PKHD1: variants seen among roughly 807,000 people sequenced by gnomAD.
PKHD1 encodes PKHD1 ciliary IPT domain containing fibrocystin/polyductin.
A neutral mutation model predicts 412.0 loss-of-function variants in PKHD1; 291 were observed. The ratio of observed to expected loss-of-function variants is 0.71; its 90% CI spans 0.64 to 0.78. The LOEUF is 0.78. Among genes scored for constraint, PKHD1 ranks in the 30% least tolerant of loss-of-function variants. The pLI, the probability that PKHD1 is intolerant of heterozygous loss-of-function variation, is 0.00. For missense variants in PKHD1, 4,825 were observed against 4,950.7 expected, an observed-to-expected ratio of 0.97 and a Z score of 0.76; for synonymous variants, 1,777 against 1,821.5, an observed-to-expected ratio of 0.98 and a Z score of 0.62.
chr6:51,967,712 T>TAC (rs144450396), intron 35 of PKHD1, among the ~76,000 whole-genome samples: 4,022 of 149,954 alleles, frequency 0.027, 143 homozygotes, highest in African/African-American at 0.083. Flanking sequence ...TGCACATGAA[T>TAC]ACACACACAC....
chr6:51,939,219 AC>A (rs941458218), intron 36 of PKHD1, among the ~76,000 whole-genome samples: 2 of 147,866 alleles, frequency 1.4e-5, no homozygotes, highest in African/African-American at 2.5e-5. Context: ...GGGGGCAAGA[AC>A]CCCCCCAACC....
At chr6:51,910,441 G>A (rs1174038907) in intron 39 of PKHD1, among the ~76,000 whole-genome samples, 1 of 152,088 alleles carries the variant, frequency 6.6e-6, no homozygotes, top group African/African-American at 2.4e-5. Flanking sequence ...GATTATTTGT[G>A]CCACTGATCC....
chr6:51,899,243 T>G (rs1236698967), intron 43 of PKHD1, among the ~76,000 whole-genome samples: 1 of 152,032 alleles, frequency 6.6e-6, no homozygotes, highest in Admixed American at 6.6e-5. Context: ...ATATCCTTGA[T>G]GAACATTGAT....
chr6:51,823,739 T>C (rs1766852037), intron 52 of PKHD1, among the ~76,000 whole-genome samples: 2 of 152,208 alleles, frequency 1.3e-5, no homozygotes, highest in Admixed American at 1.3e-4. Context: ...GAAAAGCATA[T>C]ATAGTTGAGG....
At chr6:51,754,631 T>C (rs1293796945) in intron 56 of PKHD1, among the ~76,000 whole-genome samples, 153 bp downstream of exon 56, 2 of 150,720 alleles carry the variant, frequency 1.3e-5, no homozygotes, top group African/African-American at 4.9e-5. Flanking sequence ...AATGAGGGAA[T>C]AGAGATAAGG....
intron 60 of PKHD1, among the ~76,000 whole-genome samples, chr6:51,733,794 C>T (rs978882678): frequency 3.3e-5 from 5 of 152,026 alleles, no homozygotes; most frequent in African/African-American, 1.2e-4. Flanking sequence ...CTCTGTCATG[C>T]CAAAAGGCAA....
intron 46 of PKHD1, among the ~76,000 whole-genome samples, chr6:51,881,711 C>T (rs562833929): frequency 6.6e-6 from 1 of 152,192 alleles, no homozygotes; most frequent in South Asian, 2.1e-4. Flanking sequence ...ATTCAAGTTT[C>T]CAAGCCTCCA....
At position 52,028,306 on chromosome 6, in the gene PKHD1, G is replaced by C. The variant is rs753409918; in HGVS notation, c.3410C>G (p.Thr1137Arg). 1 of 1,614,036 alleles carries C rather than the reference G, an allele frequency of 6.2e-7. No homozygotes were observed. The highest frequency in any genetic ancestry group is 1.7e-5 in the Admixed American group (1 of 60,024). Residue 1137 changes from threonine to arginine, a missense_variant, in exon 30 of 67, where the codon ACG (threonine) becomes AGG (arginine). Physicochemically the swap from Thr to Arg is moderately conservative, Grantham distance 71 (BLOSUM62 -1). Coordinates refer to ENST00000371117, the MANE Select transcript of PKHD1 (RefSeq NM_138694.4). ...VIGVARLMNY[T>R]DLDVEVHVQD... is the part of the protein sequence containing the mutation. ...GACGTGGACTTCCACATCCAAATCC[G>C]TATAGTTCATCAGCCTCGCCACTCC...
At chr6:52,022,317 T>G (rs1239031782) in intron 33 of PKHD1, among the ~76,000 whole-genome samples, 1 of 152,238 alleles carries the variant, frequency 6.6e-6, no homozygotes, top group East Asian at 1.9e-4. Context: ...TTGGCTCTTT[T>G]GCCTATAATA....
At position 51,958,173 on chromosome 6, in the gene PKHD1, G is replaced by A. The variant is rs561940615; in HGVS notation, c.5908+1697C>T. Among the ~76,000 whole-genome samples the A allele has an allele frequency of 1.2e-4, 18 of 151,932 alleles. No homozygotes were observed. In the East Asian group the frequency reaches 3.1e-3, roughly 26 times the overall value. On this transcript the variant is annotated intron_variant, in intron 36 of 66. Coordinates refer to ENST00000371117, the MANE Select transcript of PKHD1 (RefSeq NM_138694.4). Reference sequence around the variant, plus strand: ...TGCCAACAACTCCTGTATCTTATTCGTGCAGAAACTGGAATCTACTACTTA... The same window carrying A: ...TGCCAACAACTCCTGTATCTTATTCATGCAGAAACTGGAATCTACTACTTA...
chr6:51,975,963 T>TGAAAAAAAAAAAAAA lies in PKHD1; in HGVS notation c.5752-15938_5752-15937insTTTTTTTTTTTTTTC, dbSNP rs1231391714. 27 of 69,778 alleles carry TGAAAAAAAAAAAAAA rather than the reference T, an allele frequency of 3.9e-4. 4 individuals carry two copies. Among genetic ancestry groups the TGAAAAAAAAAAAAAA allele is most frequent in the African/African-American group, 1.4e-3 (25 of 18,510 alleles). 4.3% of individuals were successfully genotyped at this position (69,778 alleles called of 1,614,324 possible). The stretch of plus-strand genomic sequence containing the variant: ...AACATAGCGAGACCCTTTCTCTAAT[T>TGAAAAAAAAAAAAAA]AAAAAAAAAAAAAAAAAAAAAAAAA... On this transcript the variant is annotated intron_variant, in intron 35 of 66. Transcript: ENST00000371117.
In PKHD1 at chr6:51,633,195, T is replaced by C. The variant is rs191802581; in HGVS notation, c.11507-472A>G. On this transcript the variant is annotated intron_variant, in intron 64 of 66. Coordinates refer to ENST00000371117, the MANE Select transcript of PKHD1 (RefSeq NM_138694.4). ...CATATTGTCTTAGAGAGTTATGTTA[T>C]CTGGAAAACTAGGACTAGAACAATG... is the stretch of plus-strand genomic sequence containing the variant. Among the ~76,000 whole-genome samples, 127 of 152,272 alleles carry C rather than the reference T, an allele frequency of 8.3e-4. 1 individual carries two copies. Among genetic ancestry groups the C allele is most frequent in the Admixed American group, 3.0e-3 (46 of 15,294 alleles).
intron 52 of PKHD1, among the ~76,000 whole-genome samples, chr6:51,818,866 T>C (rs1015701039): frequency 3.9e-5 from 6 of 151,928 alleles, no homozygotes; most frequent in Non-Finnish European, 8.8e-5. Flanking sequence ...GAAAAAACAC[T>C]GGAGGACAAA....
At chr6:51,812,888 C>T (rs1165258665) in intron 52 of PKHD1, among the ~76,000 whole-genome samples, 1 of 152,134 alleles carries the variant, frequency 6.6e-6, no homozygotes, top group Non-Finnish European at 1.5e-5. Context: ...TTTATCTTAA[C>T]CCAGACACTC....
intron 53 of PKHD1, among the ~76,000 whole-genome samples, chr6:51,789,747 T>G (rs1327026251): frequency 6.6e-6 from 1 of 152,174 alleles, no homozygotes; most frequent in Non-Finnish European, 1.5e-5. Context: ...AAAGAAATAC[T>G]TAAAACAGCA....
chr6:51,849,447 C>G (rs1771790693), intron 49 of PKHD1, among the ~76,000 whole-genome samples: 1 of 152,146 alleles, frequency 6.6e-6, no homozygotes, highest in Non-Finnish European at 1.5e-5. Flanking sequence ...ATTTCTGGTT[C>G]TAGGTCCTTG....
At chr6:52,033,241 A>T in intron 28 of PKHD1, 76 bp from the exon 29 acceptor site, 1 of 1,149,714 alleles carries the variant, frequency 8.7e-7, no homozygotes, top group Non-Finnish European at 1.3e-6. Context: ...AGAACTCCAT[A>T]TAGAATTAGT....
chr6:51,848,903 A>AT lies in PKHD1; in HGVS notation c.7912-934dup, dbSNP rs776188796. 2.1e-3 allele frequency among the ~76,000 whole-genome samples: 203 copies of AT among 98,048 alleles called. 1 individual carries two copies. The highest frequency in any genetic ancestry group is 5.6e-3 in the African/African-American group (139 of 24,918). 64.3% of individuals were successfully genotyped at this position (98,048 alleles called of 152,430 possible). ...AAATGTACCCACTTTCCTCATGGCC[A>AT]TTTTTTTTTTTTTAGTTTTTTTTTT... is the stretch of plus-strand genomic sequence containing the variant. On this transcript the variant is annotated intron_variant, in intron 49 of 66. Transcript: ENST00000371117.
chr6:51,909,367 G>A lies in PKHD1; in HGVS notation c.6598C>T (p.Gln2200Ter). 6.2e-7 allele frequency: 1 copy of A among 1,613,418 alleles called. No homozygotes were observed. The highest frequency in any genetic ancestry group is 8.5e-7 in the Non-Finnish European group (1 of 1,179,540). Residue 2200 changes from glutamine (Q) to a stop codon, truncating the protein, a stop_gained, in exon 40 of 67, where the codon CAG becomes TAG. Transcript: ENST00000371117. LOFTEE classifies it high-confidence loss of function. ...QSFPEEPSQV[Q>*]LKGVQFQVLG... ...ACTTGAAACTGCACTCCCTTCAACT[G>A]GACCTGGCTGGGCTCTTCTGGGAAG...
Sources: allele counts gnomAD v4.1 joint callset (sites outside exome capture counted in the v4.1 genomes callset), GRCh38; gene constraint gnomAD v4.1.1; transcripts MANE v1.5; gene names NCBI Gene and HGNC (gene_info 2026-07-23, HGNC 2026-07-21).